The following TIAM2 variants were observed in gnomAD, a reference collection of about 807,000 sequenced individuals.
TIAM2 encodes TIAM Rac1 associated GEF 2, also known as rho guanine nucleotide exchange factor TIAM2.
In TIAM2, 80 loss-of-function variants were observed where a neutral mutation model predicts 152.9. The observed-to-expected ratio is 0.52, with a 90% CI of 0.44 to 0.63. TIAM2 has a LOEUF of 0.63. Among genes scored for constraint, TIAM2 ranks in the 30% least tolerant of loss-of-function variants. The pLI, the probability that TIAM2 is intolerant of heterozygous loss-of-function variation, is 0.00. For missense variants in TIAM2, 1,965 were observed against 2,120.1 expected (o/e 0.93, Z 1.44); for synonymous variants, 804 against 838.0 (o/e 0.96, Z 0.70).
Position 155,240,544 on chromosome 6 carries a change from C to T in TIAM2, c.3183C>T (p.Ile1061=). The change falls in exon 16 of 27, where the codon ATC becomes ATT. Residue 1061 remains isoleucine, a synonymous_variant. Transcript: ENST00000682666. ...TCCTCTCTCAGAGTGCTGAGCAGAT[C>T]ACTGCACTGTGCAGGAGTTTTAACG... ...MEQTFRSAEQ[I]TALCRSFNDS... 1 of 1,613,584 alleles carries T rather than the reference C, an allele frequency of 6.2e-7. No individual in the cohort carries two copies. The highest frequency in any genetic ancestry group is 8.5e-7 in the Non-Finnish European group (1 of 1,179,780).
intron 2 of TIAM2, among the ~76,000 whole-genome samples, chr6:155,125,971 G>A: frequency 6.6e-6 from 1 of 152,118 alleles, no homozygotes; most frequent in East Asian, 1.9e-4. Context: ...CCACTTCTGG[G>A]TATATATCAT....
At chr6:155,199,699 A>G (rs780845003) in intron 14 of TIAM2, among the ~76,000 whole-genome samples, 6 of 152,252 alleles carry the variant, frequency 3.9e-5, no homozygotes, top group Admixed American at 1.3e-4. Flanking sequence ...CGAAAAAAGC[A>G]AAGTAATGGA....
At position 155,027,980 on chromosome 6, in the gene TIAM2, AC is replaced by A. The variant is rs1272860586; in HGVS notation, c.-209+32489del. On this transcript the variant is annotated intron_variant, in intron 1 of 26. Transcript: ENST00000682666. ...CATATATACTATATATAATATATGT[AC>A]TGTGTTACATATATACTATATATAA... is the stretch of plus-strand genomic sequence containing the variant. Among the ~76,000 whole-genome samples the A allele has an allele frequency of 9.9e-4, 127 of 127,950 alleles. 2 individuals carry two copies. Among genetic ancestry groups the A allele is most frequent in the African/African-American group, 3.9e-3 (122 of 31,430 alleles). 83.9% of individuals were successfully genotyped at this position (127,950 alleles called of 152,430 possible).
intron 1 of TIAM2, among the ~76,000 whole-genome samples, chr6:155,047,232 G>A (rs1281766706): frequency 1.3e-5 from 2 of 152,146 alleles, no homozygotes; most frequent in African/African-American, 4.8e-5. Context: ...TGTATGTAGT[G>A]CAGTGGCACG....
chr6:155,108,349 T>TTTTCC (rs1351466647), intron 2 of TIAM2, among the ~76,000 whole-genome samples: 1 of 152,086 alleles, frequency 6.6e-6, no homozygotes, highest in African/African-American at 2.4e-5. Context: ...TATTGATGAC[T>TTTTCC]TTTCCTTTTC....
At chr6:155,154,107 T>TA (rs1780044858) in intron 7 of TIAM2, among the ~76,000 whole-genome samples, 1 of 152,232 alleles carries the variant, frequency 6.6e-6, no homozygotes, top group African/African-American at 2.4e-5. Flanking sequence ...CCTAAGCATT[T>TA]AGCTTTCTCT....
At chr6:155,054,287 C>T (rs908933445) in intron 1 of TIAM2, among the ~76,000 whole-genome samples, 4 of 152,198 alleles carry the variant, frequency 2.6e-5, no homozygotes, top group Non-Finnish European at 4.4e-5. Context: ...GTCCTCTAAT[C>T]CTTCTCACCT....
chr6:155,048,640 G>A (rs532257620), intron 1 of TIAM2, among the ~76,000 whole-genome samples: 29 of 152,242 alleles, frequency 1.9e-4, no homozygotes, highest in Admixed American at 3.3e-4. Flanking sequence ...TGAGGAAGGT[G>A]GAGTGAAGGA....
chr6:155,166,463 A>G (rs150114924), intron 9 of TIAM2, among the ~76,000 whole-genome samples: 25 of 152,054 alleles, frequency 1.6e-4, no homozygotes, highest in South Asian at 6.2e-4. Context: ...AGCTGGGACT[A>G]TAGGTGCACA....
intron 15 of TIAM2, among the ~76,000 whole-genome samples, chr6:155,222,020 C>T (rs951149874): frequency 6.6e-6 from 1 of 151,996 alleles, no homozygotes; most frequent in African/African-American, 2.4e-5. Flanking sequence ...GTGGCGCGAT[C>T]TTGGTTCACT....
At chr6:155,164,627 G>A in intron 8 of TIAM2, 27 bp downstream of exon 8, 1 of 1,589,844 alleles carries the variant, frequency 6.3e-7, no homozygotes, top group Non-Finnish European at 8.6e-7. Context: ...GGCTGTTTCT[G>A]CAGCATTCGG....
chr6:155,100,459 A>C (rs1359239765), intron 2 of TIAM2, among the ~76,000 whole-genome samples: 1 of 152,092 alleles, frequency 6.6e-6, no homozygotes, highest in Non-Finnish European at 1.5e-5. Flanking sequence ...AATAAAAGGG[A>C]TTGCTTGGCT....
At chr6:155,140,189 T>C (rs147448836) in intron 5 of TIAM2, among the ~76,000 whole-genome samples, 84 of 152,332 alleles carry the variant, frequency 5.5e-4, no homozygotes, top group African/African-American at 1.9e-3. Context: ...CAGAGCTGGT[T>C]GTTTCCCTCC....
chr6:155,165,158 C>A, intron 8 of TIAM2, 105 bp from the exon 9 acceptor site: 1 of 1,239,352 alleles, frequency 8.1e-7, no homozygotes, highest in Non-Finnish European at 1.1e-6. Flanking sequence ...GAGCTTTTGG[C>A]GATAGTCAGA....
chr6:155,109,425 G>C (rs893553391), intron 2 of TIAM2, among the ~76,000 whole-genome samples: 2 of 152,094 alleles, frequency 1.3e-5, no homozygotes, highest in African/African-American at 4.8e-5. Context: ...TACTAGAAGG[G>C]CTAGAAAAAA....
intron 5 of TIAM2, among the ~76,000 whole-genome samples, chr6:155,143,598 G>A (rs987367780): frequency 1.3e-5 from 2 of 152,106 alleles, no homozygotes; most frequent in Non-Finnish European, 2.9e-5. Flanking sequence ...CTCATAAATG[G>A]CAAAGTCCCC....
Position 155,257,315 on chromosome 6 carries a change from G to A in TIAM2, c.*194G>A. 1 of 628,218 alleles carries A rather than the reference G, an allele frequency of 1.6e-6. No individual in the cohort carries two copies. The highest frequency in any genetic ancestry group is 2.1e-5 in the South Asian group (1 of 48,554). 38.9% of individuals were successfully genotyped at this position (628,218 alleles called of 1,614,324 possible). ...TGGATCAGAAACCTAGATGAAACTG[G>A]TCAGAATCTGTAAATTACTTAGTTT... On this transcript the variant is annotated 3_prime_UTR_variant, in exon 27 of 27. Transcript: ENST00000682666.
intron 2 of TIAM2, among the ~76,000 whole-genome samples, chr6:155,119,191 C>T (rs1421084717): frequency 2.0e-5 from 3 of 151,532 alleles, no homozygotes; most frequent in South Asian, 2.1e-4. Flanking sequence ...CCTGCCACCA[C>T]GCCCGGCTAA....
intron 7 of TIAM2, 39 bp from the exon 8 acceptor site, chr6:155,164,374 CTT>C (rs772958561): frequency 3.2e-6 from 5 of 1,539,082 alleles, no homozygotes; most frequent in African/African-American, 1.4e-5. Context: ...CCTGTGAAAA[CTT>C]TTAATTTTTA....
Sources: allele counts gnomAD v4.1 joint callset (sites outside exome capture counted in the v4.1 genomes callset), GRCh38; gene constraint gnomAD v4.1.1; transcripts MANE v1.5; gene names NCBI Gene and HGNC (gene_info 2026-07-23, HGNC 2026-07-21).